Variants in CHDH observed in about 807,000 individuals in gnomAD.
CHDH encodes the protein choline dehydrogenase, mitochondrial.
A neutral mutation model predicts 56.9 loss-of-function variants in CHDH; 43 were observed. That is an observed-to-expected ratio of 0.76 (90% CI 0.59 to 0.97). The LOEUF (loss-of-function observed/expected upper bound fraction) is 0.97, where lower values mean the gene tolerates loss of function less well. Among genes scored for constraint, CHDH ranks in the 50% least tolerant of loss-of-function variants. CHDH has a pLI of 0.00. For missense variants in CHDH, 816 were observed against 821.1 expected (o/e 0.99, Z 0.08); for synonymous variants, 364 against 348.5 (o/e 1.04, Z -0.50).
rs1230486091 is a variant in CHDH at position 53,817,781 on chromosome 3, C to T, written c.1781G>A (p.Arg594His). 7 of 1,596,532 alleles carry T rather than the reference C, an allele frequency of 4.4e-6. No individual in the cohort carries two copies. Among genetic ancestry groups the T allele is most frequent in the African/African-American group, 2.7e-5 (2 of 74,810 alleles). ...VYKPRTLATQ[R>H] ...CATCCTCCAGCAGCAACTGTCTTAG[C>T]GCTGGGTGGCCAGCGTCCTGGGCTT... The change falls in exon 9 of 9, where the codon CGC (arginine) becomes CAC (histidine). Residue 594 changes from arginine to histidine, a missense_variant. Arg to His is a conservative substitution (Grantham distance 29). Coordinates refer to ENST00000315251, the MANE Select transcript of CHDH (RefSeq NM_018397.5).
chr3:53,835,274 A>C (rs1160174605), intron 2 of CHDH, among the ~76,000 whole-genome samples: 2 of 152,266 alleles, frequency 1.3e-5, no homozygotes, highest in East Asian at 3.8e-4. Flanking sequence ...ACATTTAAAA[A>C]GTGGCCACCA....
At chr3:53,826,638 C>T (rs918537331) in intron 2 of CHDH, among the ~76,000 whole-genome samples, 2 of 145,148 alleles carry the variant, frequency 1.4e-5, no homozygotes, top group African/African-American at 2.7e-5. Flanking sequence ...AAAAACCCTA[C>T]AACTAACATC....
chr3:53,823,700 G>C lies in CHDH; in HGVS notation c.309C>G (p.Tyr103Ter), dbSNP rs1286476351. 1.3e-6 allele frequency: 2 copies of C among 1,549,982 alleles called. No individual in the cohort carries two copies. Among genetic ancestry groups the C allele is most frequent in the Non-Finnish European group, 1.7e-6 (2 of 1,147,750 alleles). The change falls in exon 3 of 9, where the codon TAC becomes TAG. Residue 103 changes from tyrosine (Y) to a stop codon, truncating the protein, a stop_gained. Transcript: ENST00000315251. LOFTEE classifies it high-confidence loss of function. ...GCACCTCTGTGTGGTAGCACCAGTT[G>C]TACCTGTCGTCGCACAGGTTGGCCA... ...ALVANLCDDR[Y>*]NWCYHTEVQR... is the part of the protein sequence containing the mutation.
Position 53,820,592 on chromosome 3 carries a change from C to T in CHDH, c.1002G>A (p.Leu334=), listed in dbSNP as rs1246577349. ...VCHLPGVGQN[L]QDHLEIYIQQ... is the part of the protein sequence containing the mutation. ...GAATGTAGATCTCCAGGTGGTCTTG[C>T]AGGTTCTGGCCAACCCCTGATACGG... The change falls in exon 6 of 9, where the codon CTG becomes CTA. Residue 334 remains leucine (L), a synonymous_variant. Coordinates refer to ENST00000315251, the MANE Select transcript of CHDH (RefSeq NM_018397.5). 1 of 1,610,022 alleles carries T rather than the reference C, an allele frequency of 6.2e-7. No homozygotes were observed. Among genetic ancestry groups the T allele is most frequent in the East Asian group, 2.2e-5 (1 of 44,680 alleles).
rs772891727 is a variant in CHDH, at chr3:53,823,864, C to A, written c.145G>T (p.Gly49Cys). Residue 49 changes from glycine to cysteine, a missense_variant, in exon 3 of 9, where the codon GGC (glycine) becomes TGC (cysteine). Physicochemically the swap from Gly to Cys is radical, Grantham distance 159 (BLOSUM62 -3). Coordinates refer to ENST00000315251, the MANE Select transcript of CHDH (RefSeq NM_018397.5). The stretch of plus-strand genomic sequence containing the variant: ...CCAGCCAGCACGCAGCCCGCCGAGC[C>A]CGCGCCCACCACCACATAGCTGTAC... ...DEYSYVVVGA[G>C]SAGCVLAGRL... is the part of the protein sequence containing the mutation. 105 of 1,591,316 alleles carry A rather than the reference C, an allele frequency of 6.6e-5. No individual in the cohort carries two copies. Among genetic ancestry groups the A allele is most frequent in the Non-Finnish European group, 8.4e-5 (99 of 1,176,284 alleles).
At chr3:53,832,579 A>G (rs920087887) in intron 2 of CHDH, among the ~76,000 whole-genome samples, 3 of 152,206 alleles carry the variant, frequency 2.0e-5, no homozygotes, top group Admixed American at 6.5e-5. Context: ...AGTAGATAAA[A>G]TGTGGTATGT....
chr3:53,820,679 T>G (rs1576778826), intron 5 of CHDH, 71 bp from the exon 6 acceptor site: 1 of 1,546,096 alleles, frequency 6.5e-7, no homozygotes, highest in Non-Finnish European at 8.7e-7. Flanking sequence ...ATCCCCCCGG[T>G]TTTGAAAAAT....
At chr3:53,835,158 C>T (rs1698457549) in intron 2 of CHDH, among the ~76,000 whole-genome samples, 1 of 152,188 alleles carries the variant, frequency 6.6e-6, no homozygotes, top group South Asian at 2.1e-4. Context: ...GGGCCCTGTC[C>T]CTGTGTTGTT....
Position 53,814,598 on chromosome 3 carries a change from T to TATC in CHDH, c.*3176_*3178dup, listed in dbSNP as rs749794981. 20 of 152,190 alleles carry TATC rather than the reference T, an allele frequency of 1.3e-4. No individual in the cohort carries two copies. The highest frequency in any genetic ancestry group is 2.5e-4 in the Non-Finnish European group (17 of 68,042). The allele number at this position is 152,190 out of a possible 1,614,324, so 9.4% of individuals were successfully genotyped here. ...TATTGGATCTGATGTTAAGTTGGCT[T>TATC]ATCAGTAGAAGCATGAAACCACTTC... On this transcript the variant is annotated 3_prime_UTR_variant, in exon 9 of 9. Coordinates refer to ENST00000315251, the MANE Select transcript of CHDH (RefSeq NM_018397.5).
chr3:53,827,626 A>T (rs898012472), intron 2 of CHDH, among the ~76,000 whole-genome samples: 1 of 152,168 alleles, frequency 6.6e-6, no homozygotes. Context: ...TGACAGCAAG[A>T]CCCTGCCCCT....
At chr3:53,824,108 T>G in intron 2 of CHDH, 41 bp from the exon 3 acceptor site, 1 of 1,169,374 alleles carries the variant, frequency 8.6e-7, no homozygotes, top group Non-Finnish European at 1.1e-6. Flanking sequence ...TAACTCCGCA[T>G]ATCCAGGGTA....
chr3:53,823,948 GC>G lies in CHDH; in HGVS notation c.60del (p.Gln21SerfsTer197). ...GCCCGGGCACCCAGGGATTGCTGCT[GC>G]CCCAGGGCTCCCCGTGCCAGGGCTC... Reference protein sequence around the residue: ...RPGALARGALGQQQSLGARAL... With the variant: ...RPGALARGALXQQQSLGARAL... On this transcript the variant is annotated frameshift_variant, in exon 3 of 9. Coordinates refer to ENST00000315251, the MANE Select transcript of CHDH (RefSeq NM_018397.5). LOFTEE classifies it high-confidence loss of function. 6.5e-7 allele frequency: 1 copy of G among 1,530,752 alleles called. No homozygotes were observed. 94.8% of individuals were successfully genotyped at this position (1,530,752 alleles called of 1,614,324 possible). A position where few individuals can be genotyped will look rare whatever the true frequency, so the allele number is the denominator to read the frequency against.
intron 2 of CHDH, among the ~76,000 whole-genome samples, chr3:53,837,057 G>A (rs532404537): frequency 2.6e-5 from 4 of 152,228 alleles, no homozygotes; most frequent in African/African-American, 4.8e-5. Context: ...AGCCAGGCAC[G>A]GTGGTGTGTA....
rs1403840205 is a variant in CHDH, at chr3:53,823,564, G to A, written c.445C>T (p.Arg149Cys). The change falls in exon 3 of 9, where the codon CGC (arginine) becomes TGC (cysteine). Residue 149 changes from arginine to cysteine, a missense_variant. Coordinates refer to ENST00000315251, the MANE Select transcript of CHDH (RefSeq NM_018397.5). ...CCGCGGGCGCCCTGGCGCTGCCAGC[G>A]CTCGTAGTCCTCGGCGTGCCCACGG... Reference protein sequence around the residue: ...YVRGHAEDYERWQRQGARGWD... With the variant: ...YVRGHAEDYECWQRQGARGWD... 2 of 1,543,038 alleles carry A rather than the reference G, an allele frequency of 1.3e-6. No individual in the cohort carries two copies. The highest frequency in any genetic ancestry group is 1.4e-5 in the African/African-American group (1 of 72,946).
chr3:53,817,883 G>T lies in CHDH; in HGVS notation c.1679C>A (p.Thr560Lys). 6.2e-7 allele frequency: 1 copy of T among 1,614,208 alleles called. No homozygotes were observed. Among genetic ancestry groups the T allele is most frequent in the African/African-American group, 1.3e-5 (1 of 75,068 alleles). ...AGCTGCCTTCTCTGCGATCATGATT[G>T]TGGGGGCGTTCAGGTTGCCGCTGAC... Reference protein sequence around the residue: ...SMVSGNLNAPTIMIAEKAADI... With the variant: ...SMVSGNLNAPKIMIAEKAADI... Residue 560 changes from threonine to lysine, a missense_variant, in exon 9 of 9, where the codon ACA (threonine) becomes AAA (lysine). Physicochemically the swap from Thr to Lys is moderately conservative, Grantham distance 78. Transcript: ENST00000315251.
intron 2 of CHDH, among the ~76,000 whole-genome samples, chr3:53,830,830 C>T (rs558571602): frequency 2.1e-4 from 32 of 152,304 alleles, no homozygotes; most frequent in South Asian, 1.2e-3. Context: ...TTTGCTCCAT[C>T]AATCATCCCC....
chr3:53,826,359 G>C (rs1241236914), intron 2 of CHDH, among the ~76,000 whole-genome samples: 1 of 148,902 alleles, frequency 6.7e-6, no homozygotes, highest in Non-Finnish European at 1.5e-5. Context: ...CATGAACATA[G>C]ATAAAAACAC....
chr3:53,840,772 G>C (rs1013966415), intron 2 of CHDH, among the ~76,000 whole-genome samples, 157 bp downstream of exon 2: 1 of 152,224 alleles, frequency 6.6e-6, no homozygotes, highest in African/African-American at 2.4e-5. Context: ...AAGCAGAAAG[G>C]TGGGAACATC....
Position 53,823,595 on chromosome 3 carries a change from G to A in CHDH, c.414C>T (p.Val138=), listed in dbSNP as rs1255576745. The A allele has an allele frequency of 6.5e-7, 1 of 1,543,954 alleles. No homozygotes were observed. The highest frequency in any genetic ancestry group is 2.0e-5 in the Admixed American group (1 of 50,972). ...WGGSSSLNAM[V]YVRGHAEDYE... ...AGTCCTCGGCGTGCCCACGGACGTAGACCATGGCATTGAGGGATGAGGAGC... is the reference window on the plus strand; with the variant it reads ...AGTCCTCGGCGTGCCCACGGACGTAAACCATGGCATTGAGGGATGAGGAGC... The change falls in exon 3 of 9, where the codon GTC becomes GTT. Residue 138 remains valine (V), a synonymous_variant. Transcript: ENST00000315251.
Sources: gnomAD v4.1 joint callset for allele counts (sites outside exome capture counted in the v4.1 genomes callset) on GRCh38, gnomAD v4.1.1 for gene constraint, MANE v1.5 for transcripts, NCBI Gene and HGNC (gene_info 2026-07-23, HGNC 2026-07-21) for gene names.